SDK1: variants seen among roughly 807,000 people sequenced by gnomAD.
SDK1 encodes the protein sidekick cell adhesion molecule 1, also known as protein sidekick-1.
SDK1 carries 157 observed loss-of-function variants against 245.5 expected under a neutral mutation model. The ratio of observed to expected loss-of-function variants is 0.64; its 90% CI spans 0.56 to 0.73. The LOEUF (loss-of-function observed/expected upper bound fraction) is 0.73. Among genes scored for constraint, SDK1 ranks in the 30% least tolerant of loss-of-function variants. SDK1 has a pLI of 0.00. For missense variants in SDK1, 3,583 were observed against 3,002.3 expected (o/e 1.19, Z -4.52); for synonymous variants, 1,647 against 1,278.5 (o/e 1.29, Z -6.15).
At chr7:3,322,593 A>G (rs770316577) in intron 1 of SDK1, among the ~76,000 whole-genome samples, 1 of 152,138 alleles carries the variant, frequency 6.6e-6, no homozygotes, top group Non-Finnish European at 1.5e-5. Context: ...TCCACCAACA[A>G]TGTAGAAGAA....
intron 5 of SDK1, among the ~76,000 whole-genome samples, chr7:3,929,458 C>T (rs180941238): frequency 1.9e-4 from 29 of 152,300 alleles, no homozygotes; most frequent in Non-Finnish European, 2.5e-4. Flanking sequence ...AAAAGCATTC[C>T]GTATTTATTC....
At chr7:3,783,739 A>T (rs1018208107) in intron 4 of SDK1, among the ~76,000 whole-genome samples, 7 of 152,238 alleles carry the variant, frequency 4.6e-5, no homozygotes, top group African/African-American at 1.7e-4. Context: ...TTTTATGTTG[A>T]TGGATTGGAA....
chr7:4,129,088 T>C (rs1784601720), intron 26 of SDK1, among the ~76,000 whole-genome samples: 1 of 130,314 alleles, frequency 7.7e-6, no homozygotes, highest in African/African-American at 2.9e-5. Context: ...TAGAGCAGCT[T>C]GGGGTGGGGT....
intron 4 of SDK1, among the ~76,000 whole-genome samples, chr7:3,714,221 A>G (rs17133715): frequency 0.015 from 2,292 of 152,340 alleles, 59 homozygotes; most frequent in African/African-American, 0.052. Context: ...GGCTGCAGAT[A>G]GACCAGGAGG....
chr7:4,257,784 G>A (rs1007636576), intron 44 of SDK1, among the ~76,000 whole-genome samples: 2 of 152,150 alleles, frequency 1.3e-5, no homozygotes, highest in African/African-American at 2.4e-5. Context: ...CAGAACTCAC[G>A]GCCTCCCAGC....
At chr7:3,316,682 A>AT (rs1259175842) in intron 1 of SDK1, among the ~76,000 whole-genome samples, 1 of 152,116 alleles carries the variant, frequency 6.6e-6, no homozygotes, top group Non-Finnish European at 1.5e-5. Context: ...CTCACTGGCC[A>AT]TTTTTCTGCC....
At chr7:3,616,302 T>C (rs1430832651) in intron 1 of SDK1, among the ~76,000 whole-genome samples, 1 of 152,196 alleles carries the variant, frequency 6.6e-6, no homozygotes, top group African/African-American at 2.4e-5. Flanking sequence ...GACACTTGAA[T>C]GTGAGGTGGG....
chr7:4,056,558 C>T (rs1480607699), intron 19 of SDK1, among the ~76,000 whole-genome samples: 1 of 152,130 alleles, frequency 6.6e-6, no homozygotes, highest in East Asian at 1.9e-4. Context: ...AGGTTCCCCA[C>T]TGTGGGAAAA....
intron 5 of SDK1, among the ~76,000 whole-genome samples, chr7:3,911,204 A>G (rs201673819): frequency 6.6e-6 from 1 of 152,164 alleles, no homozygotes; most frequent in Admixed American, 6.5e-5. Context: ...TGGCTGTGGG[A>G]TTGTTCCTTC....
chr7:3,409,846 G>A (rs1779151464), intron 1 of SDK1, among the ~76,000 whole-genome samples: 1 of 152,096 alleles, frequency 6.6e-6, no homozygotes, highest in African/African-American at 2.4e-5. Flanking sequence ...ACACCTTGTG[G>A]AACTCTCCTA....
chr7:3,666,835 C>T (rs1783549971), intron 4 of SDK1, among the ~76,000 whole-genome samples: 1 of 152,158 alleles, frequency 6.6e-6, no homozygotes, highest in South Asian at 2.1e-4. Flanking sequence ...TCAGGTCTTG[C>T]AGGGTGGAAA....
At chr7:3,446,347 G>T (rs190051908) in intron 1 of SDK1, among the ~76,000 whole-genome samples, 1 of 152,044 alleles carries the variant, frequency 6.6e-6, no homozygotes, top group Non-Finnish European at 1.5e-5. Flanking sequence ...TTTGAGTTAA[G>T]GTATGAACCA....
chr7:3,466,511 C>T (rs1243215712), intron 1 of SDK1, among the ~76,000 whole-genome samples: 1 of 148,942 alleles, frequency 6.7e-6, no homozygotes, highest in Non-Finnish European at 1.5e-5. Context: ...CAGTTGGAGA[C>T]ATTAGCTTGG....
intron 1 of SDK1, among the ~76,000 whole-genome samples, chr7:3,343,362 A>G (rs1780405179): frequency 6.6e-6 from 1 of 152,236 alleles, no homozygotes; most frequent in African/African-American, 2.4e-5. Flanking sequence ...TGATGCACCT[A>G]CTGTGAATCT....
At chr7:4,178,715 G>A (rs1021582540) in intron 35 of SDK1, 129 bp downstream of exon 35, 8 of 661,434 alleles carry the variant, frequency 1.2e-5, no homozygotes, top group Non-Finnish European at 2.1e-5. Flanking sequence ...TGCTGTCGGG[G>A]CTGAGGTCTC....
intron 1 of SDK1, among the ~76,000 whole-genome samples, chr7:3,484,451 C>T (rs952219705): frequency 2.0e-5 from 3 of 152,062 alleles, no homozygotes; most frequent in Non-Finnish European, 2.9e-5. Flanking sequence ...AACTAGTTCC[C>T]CATGTAGACC....
At chr7:3,787,025 C>T (rs1389067605) in intron 4 of SDK1, among the ~76,000 whole-genome samples, 1 of 152,084 alleles carries the variant, frequency 6.6e-6, no homozygotes, top group Non-Finnish European at 1.5e-5. Flanking sequence ...TTTCCCCATA[C>T]ACTTTAGTGG....
rs778421749 is a variant in SDK1 at position 3,974,478 on chromosome 7, G to C, written c.1927G>C (p.Gly643Arg). ...LISQTWSGDI[G>R]DYSCEIVSEG... ...CAGCCAGACGTGGTCAGGCGACATC[G>C]GTGACTACAGCTGCGAGATTGTTTC... Residue 643 changes from glycine (G) to arginine (R), a missense_variant, in exon 13 of 45, where the codon GGT becomes CGT. By Grantham distance (125) the Gly-to-Arg change is moderately radical (BLOSUM62 -2). Transcript: ENST00000404826. 1.2e-6 allele frequency: 2 copies of C among 1,614,106 alleles called. No homozygotes were observed. Among genetic ancestry groups the C allele is most frequent in the Non-Finnish European group, 8.5e-7 (1 of 1,180,022 alleles).
intron 44 of SDK1, among the ~76,000 whole-genome samples, chr7:4,252,827 C>T (rs1322123124): frequency 1.3e-5 from 2 of 148,954 alleles, no homozygotes; most frequent in Non-Finnish European, 3.0e-5. Context: ...TTCCGTTTCC[C>T]CCCCCCTCTT....
Sources: gnomAD v4.1 joint callset for allele counts (sites outside exome capture counted in the v4.1 genomes callset) on GRCh38, gnomAD v4.1.1 for gene constraint, MANE v1.5 for transcripts, NCBI Gene and HGNC (gene_info 2026-07-23, HGNC 2026-07-21) for gene names.